The following PPP1R9A variants were observed in gnomAD, a reference collection of about 807,000 sequenced individuals.
PPP1R9A encodes neurabin-1.
Under a neutral mutation model 141.9 loss-of-function variants are expected in PPP1R9A, and 59 were observed. The observed-to-expected ratio is 0.42, with a 90% CI of 0.34 to 0.52. The LOEUF (loss-of-function observed/expected upper bound fraction) is 0.52. PPP1R9A is among the 20% of genes least tolerant of loss of function. The probability of loss-of-function intolerance (pLI) is 0.10; values close to 1 mark genes in which losing one functional copy is unlikely to be tolerated. For synonymous variants in PPP1R9A, 500 were observed against 569.7 expected (o/e 0.88, Z 1.74); for missense variants, 1,444 against 1,611.9 (o/e 0.90, Z 1.78).
At chr7:95,031,780 G>GAA (rs1807721367) in intron 2 of PPP1R9A, among the ~76,000 whole-genome samples, 1 of 147,168 alleles carries the variant, frequency 6.8e-6, no homozygotes, top group Non-Finnish European at 1.5e-5. Flanking sequence ...AAAAAAAAAA[G>GAA]AAAAGTCAAT....
chr7:95,017,813 A>G (rs923841083), intron 2 of PPP1R9A, among the ~76,000 whole-genome samples: 1 of 152,168 alleles, frequency 6.6e-6, no homozygotes, highest in Non-Finnish European at 1.5e-5. Context: ...TTTTTAATAG[A>G]TGTACCTGTT....
At chr7:95,178,302 T>A (rs939882404) in intron 5 of PPP1R9A, among the ~76,000 whole-genome samples, 1 of 152,074 alleles carries the variant, frequency 6.6e-6, no homozygotes, top group Admixed American at 6.6e-5. Context: ...AAAAATGAAA[T>A]CAAGATGAAA....
intron 6 of PPP1R9A, among the ~76,000 whole-genome samples, chr7:95,199,773 T>TA (rs1789120184): frequency 6.6e-6 from 1 of 152,164 alleles, no homozygotes; most frequent in Non-Finnish European, 1.5e-5. Context: ...ATTTTCAAAC[T>TA]AAAAAAGGGA....
At chr7:95,182,031 G>A (rs1214467182) in intron 5 of PPP1R9A, among the ~76,000 whole-genome samples, 3 of 151,768 alleles carry the variant, frequency 2.0e-5, no homozygotes, top group African/African-American at 7.3e-5. Flanking sequence ...GACTTGGGAA[G>A]GTTGGGGTGG....
intron 5 of PPP1R9A, among the ~76,000 whole-genome samples, chr7:95,195,261 T>C (rs1178703862): frequency 6.6e-6 from 1 of 150,490 alleles, no homozygotes; most frequent in East Asian, 2.0e-4. Flanking sequence ...GCTTTTTAGA[T>C]AGGAAGCAAA....
intron 5 of PPP1R9A, among the ~76,000 whole-genome samples, chr7:95,164,366 T>C (rs1188213026): frequency 6.6e-6 from 1 of 152,228 alleles, no homozygotes; most frequent in African/African-American, 2.4e-5. Context: ...TTAATATGAT[T>C]TGTAATCCTT....
intron 16 of PPP1R9A, among the ~76,000 whole-genome samples, chr7:95,280,144 G>A (rs1803923810): frequency 6.6e-6 from 1 of 152,136 alleles, no homozygotes; most frequent in Non-Finnish European, 1.5e-5. Flanking sequence ...ATCCCATTTA[G>A]ATGAGGCTAG....
intron 8 of PPP1R9A, among the ~76,000 whole-genome samples, chr7:95,232,618 A>C (rs897934971): frequency 2.0e-5 from 3 of 152,180 alleles, no homozygotes; most frequent in Admixed American, 2.0e-4. Context: ...TTTGCAATCT[A>C]TCCATCTGAC....
At chr7:94,964,399 A>G (rs1168618829) in intron 2 of PPP1R9A, among the ~76,000 whole-genome samples, 3 of 152,154 alleles carry the variant, frequency 2.0e-5, no homozygotes, top group Non-Finnish European at 4.4e-5. Context: ...TGCAGTTTAC[A>G]TAGGTATACA....
intron 2 of PPP1R9A, among the ~76,000 whole-genome samples, chr7:94,975,355 T>C (rs12672944): frequency 3.4e-5 from 1 of 29,602 alleles, no homozygotes; most frequent in Non-Finnish European, 6.9e-5. Context: ...AGTTTTTTTT[T>C]GTTTTTTTTT....
At chr7:94,927,019 T>C (rs1014219108) in intron 2 of PPP1R9A, among the ~76,000 whole-genome samples, 27 of 152,198 alleles carry the variant, frequency 1.8e-4, no homozygotes, top group African/African-American at 6.0e-4. Context: ...TAAGCTGAAA[T>C]ATGAAATAGC....
intron 2 of PPP1R9A, among the ~76,000 whole-genome samples, chr7:95,015,245 C>T (rs1804942832): frequency 3.3e-5 from 5 of 149,616 alleles, no homozygotes; most frequent in South Asian, 4.3e-4. Flanking sequence ...CACACACACA[C>T]ACATACACAC....
intron 4 of PPP1R9A, among the ~76,000 whole-genome samples, chr7:95,131,743 G>A (rs1824674962): frequency 1.3e-5 from 2 of 151,268 alleles, no homozygotes; most frequent in Admixed American, 1.3e-4. Context: ...TTGGTAGTTT[G>A]ATAGGACTAG....
intron 2 of PPP1R9A, among the ~76,000 whole-genome samples, chr7:95,075,647 A>C (rs1814724714): frequency 1.3e-5 from 2 of 152,120 alleles, no homozygotes; most frequent in Admixed American, 1.3e-4. Context: ...CATCCTGGCT[A>C]ACACGGTGAA....
chr7:95,246,871 T>C (rs1276751215), intron 8 of PPP1R9A, among the ~76,000 whole-genome samples: 2 of 152,072 alleles, frequency 1.3e-5, no homozygotes, highest in Non-Finnish European at 2.9e-5. Context: ...GGGGTCTGAG[T>C]CTTCAAAAGG....
At chr7:95,145,299 C>T (rs562334142) in intron 4 of PPP1R9A, among the ~76,000 whole-genome samples, 25 of 152,286 alleles carry the variant, frequency 1.6e-4, no homozygotes, top group Non-Finnish European at 7.3e-5. Context: ...CTTTTCATCA[C>T]TGATGCTGTC....
In PPP1R9A at chr7:95,118,570, A is replaced by G. The variant is rs551330633; in HGVS notation, c.1529-2142A>G. On this transcript the variant is annotated intron_variant, in intron 3 of 19. Transcript: ENST00000433360. ...TGCCAAGTGACATCTTTTAAAACAT[A>G]TGTAGAATAAAGATATAAGATTGTC... 2.6e-5 allele frequency among the ~76,000 whole-genome samples: 4 copies of G among 152,288 alleles called. No homozygotes were observed. In the East Asian group the frequency reaches 7.7e-4, roughly 29 times the overall value.
rs1791357569 is a variant in PPP1R9A at position 94,910,748 on chromosome 7, C to CT, written c.636dup (p.Asp213Ter). 1 of 1,614,156 alleles carries CT rather than the reference C, an allele frequency of 6.2e-7. No individual in the cohort carries two copies. Among genetic ancestry groups the CT allele is most frequent in the Non-Finnish European group, 8.5e-7 (1 of 1,180,040 alleles). ...CAACTGAGTGCAGTATTTGAGAACA[C>CT]TGATTCTCCCAGTGCCATCATTTCT... On this transcript the variant is annotated frameshift_variant, in exon 2 of 20. Coordinates refer to ENST00000433360, the MANE Select transcript of PPP1R9A (RefSeq NM_001166160.2). LOFTEE classifies it high-confidence loss of function. This position sits in a 1 kb window ranked among gnomAD's most constrained non-coding sequence, Gnocchi z 4.5.
At chr7:95,037,080 C>G (rs947588226) in intron 2 of PPP1R9A, 2 of 151,880 alleles carry the variant, frequency 1.3e-5, no homozygotes, top group South Asian at 4.1e-4. Context: ...CTGAAGTATT[C>G]GCATATTGTC....
Sources: gnomAD v4.1 joint callset for allele counts (sites outside exome capture counted in the v4.1 genomes callset) on GRCh38, gnomAD v4.1.1 for gene constraint, Gnocchi (gnomAD v3.1) non-coding constraint, MANE v1.5 for transcripts, NCBI Gene and HGNC (gene_info 2026-07-23, HGNC 2026-07-21) for gene names.